The following PRDM11 variants were observed in gnomAD, a reference collection of about 807,000 sequenced individuals.
PRDM11 encodes the protein PR/SET domain 11.
Under a neutral mutation model 97.8 loss-of-function variants are expected in PRDM11, and 20 were observed. That is an observed-to-expected ratio of 0.20 (90% confidence interval 0.14 to 0.30). The LOEUF is 0.30. Among genes scored for constraint, PRDM11 ranks in the 10% least tolerant of loss-of-function variants. The probability of loss-of-function intolerance (pLI) is 1.00; values close to 1 mark genes in which losing one functional copy is unlikely to be tolerated. For synonymous variants in PRDM11, 599 were observed against 637.7 expected (o/e 0.94, Z 0.91); for missense variants, 1,139 against 1,555.2 (o/e 0.73, Z 4.50).
At chr11:45,168,588 A>G (rs1852126353) in intron 1 of PRDM11, among the ~76,000 whole-genome samples, 1 of 152,116 alleles carries the variant, frequency 6.6e-6, no homozygotes, top group African/African-American at 2.4e-5. Flanking sequence ...GGGTCAGGGC[A>G]TCTCTGGGCA....
At chr11:45,181,661 C>T (rs11038341) in intron 1 of PRDM11, 100 bp from the exon 2 acceptor site, 195,710 of 927,054 alleles carry the variant, frequency 0.21, 23,318 homozygotes, top group Non-Finnish European at 0.24. Flanking sequence ...GGAGGGTAAC[C>T]AGACTCCGCG....
chr11:45,108,745 A>G (rs1257406049), intron 1 of PRDM11, among the ~76,000 whole-genome samples: 2 of 152,132 alleles, frequency 1.3e-5, no homozygotes, highest in Non-Finnish European at 2.9e-5. Flanking sequence ...GCCTGTAGCT[A>G]TGTGGGGACC....
chr11:45,219,672 G>A lies in PRDM11; in HGVS notation c.657G>A (p.Glu219=), dbSNP rs1451974356. The change falls in exon 6 of 8, where the codon GAG becomes GAA. Residue 219 remains glutamate, a synonymous_variant. Transcript: ENST00000683152. This position sits in a 1 kb window ranked among gnomAD's most constrained non-coding sequence, Gnocchi z 4.2. ...CGTGCAGGGACATCCGGCCTGGGGA[G>A]TGGCTGCGGGTCTGGTACAGCGAGG... is the stretch of plus-strand genomic sequence containing the variant. ...FRACRDIRPG[E]WLRVWYSEDY... is the part of the protein sequence containing the mutation. 1.2e-6 allele frequency: 2 copies of A among 1,614,152 alleles called. No homozygotes were observed. The highest frequency in any genetic ancestry group is 1.7e-6 in the Non-Finnish European group (2 of 1,180,028).
At chr11:45,173,412 A>G (rs1039660326) in intron 1 of PRDM11, among the ~76,000 whole-genome samples, 12 of 152,092 alleles carry the variant, frequency 7.9e-5, no homozygotes, top group Admixed American at 5.2e-4. Flanking sequence ...ACCTGAGGTC[A>G]GGAGTTCAAG....
intron 1 of PRDM11, among the ~76,000 whole-genome samples, chr11:45,167,313 CACAT>C (rs1042166822): frequency 1.3e-5 from 2 of 152,184 alleles, no homozygotes; most frequent in African/African-American, 4.8e-5. Flanking sequence ...CATAAACACA[CACAT>C]ACACACTATC....
chr11:45,127,220 T>C (rs1852594674), intron 1 of PRDM11, among the ~76,000 whole-genome samples: 2 of 152,354 alleles, frequency 1.3e-5, no homozygotes, highest in South Asian at 2.1e-4. Flanking sequence ...GCATTGGTTA[T>C]TCTAGTTATA....
At position 45,131,405 on chromosome 11, in the gene PRDM11, C is replaced by T. The variant is rs551600855; in HGVS notation, c.96+35504C>T. On this transcript the variant is annotated intron_variant, in intron 1 of 6. Coordinates refer to the PRDM11 transcript ENST00000530656. ...TCAATGCAAAGTTAAAAATAGAATGCTAACAAGGAAAGCTGGTAACAATGG... is the reference window on the plus strand; with the variant it reads ...TCAATGCAAAGTTAAAAATAGAATGTTAACAAGGAAAGCTGGTAACAATGG... Among the ~76,000 whole-genome samples, 45 of 152,256 alleles carry T rather than the reference C, an allele frequency of 3.0e-4. 2 individuals carry two copies. In the South Asian group the frequency reaches 8.9e-3, roughly 30 times the overall value.
intron 4 of PRDM11, among the ~76,000 whole-genome samples, chr11:45,188,175 A>G (rs1313133475): frequency 6.6e-6 from 1 of 152,192 alleles, no homozygotes; most frequent in Non-Finnish European, 1.5e-5. Context: ...GGTGGTGGTC[A>G]TGACAAGCAT....
At chr11:45,181,922 G>A in intron 2 of PRDM11, 37 bp downstream of exon 2, 1 of 1,573,720 alleles carries the variant, frequency 6.4e-7, no homozygotes, top group Non-Finnish European at 8.7e-7. Flanking sequence ...AGGGAGAAGT[G>A]GGAGTGGGAG....
At chr11:45,198,196 TC>T (rs1164476761) in intron 4 of PRDM11, among the ~76,000 whole-genome samples, 1 of 152,220 alleles carries the variant, frequency 6.6e-6, no homozygotes, top group Middle Eastern at 3.2e-3. Flanking sequence ...ATGCCCCCTT[TC>T]CCAGACACCA....
chr11:45,215,478 G>A (rs1017907984), intron 5 of PRDM11, among the ~76,000 whole-genome samples: 2 of 152,210 alleles, frequency 1.3e-5, no homozygotes, highest in Non-Finnish European at 2.9e-5. Context: ...TCTCTCCCAA[G>A]GTCAATGTAT....
chr11:45,143,275 G>T (rs1483415094), upstream of PRDM11, among the ~76,000 whole-genome samples: 1 of 152,186 alleles, frequency 6.6e-6, no homozygotes, highest in Non-Finnish European at 1.5e-5. Context: ...CTAGGATCCA[G>T]GGGGCATTTA....
chr11:45,210,111 G>C (rs569222848), intron 5 of PRDM11, among the ~76,000 whole-genome samples: 1 of 152,270 alleles, frequency 6.6e-6, no homozygotes, highest in East Asian at 1.9e-4. Flanking sequence ...GGCCCGGGCC[G>C]GGCCATGGAA....
chr11:45,215,002 G>C (rs1372487772), intron 5 of PRDM11, among the ~76,000 whole-genome samples: 2 of 152,204 alleles, frequency 1.3e-5, no homozygotes, highest in Non-Finnish European at 2.9e-5. Context: ...CAAAAGTGAG[G>C]TGTTGCTAAG....
intron 5 of PRDM11, among the ~76,000 whole-genome samples, chr11:45,211,851 A>G (rs565409212): frequency 6.6e-6 from 1 of 152,206 alleles, no homozygotes; most frequent in East Asian, 1.9e-4. Context: ...GAACTTCCTC[A>G]TGTAACCAAA....
rs1852117686 is a variant in PRDM11 at position 45,168,313 on chromosome 11, G to GACC, written c.-6-13446_-6-13445insCAC. Among the ~76,000 whole-genome samples, 3 of 152,206 alleles carry GACC rather than the reference G, an allele frequency of 2.0e-5. 1 individual carries two copies. In the South Asian group the frequency reaches 6.2e-4, roughly 32 times the overall value. Reference sequence around the variant, plus strand: ...CTTCTCCTCTGGGTCCTGTGGTCCAGACAGGGGTCCCCTTTCCTTGTAACC... The same window carrying GACC: ...CTTCTCCTCTGGGTCCTGTGGTCCAGACCACAGGGGTCCCCTTTCCTTGTAACC... On this transcript the variant is annotated intron_variant, in intron 1 of 7. Transcript: ENST00000683152.
At chr11:45,173,622 CAAAA>C (rs1163035481) in intron 1 of PRDM11, among the ~76,000 whole-genome samples, 3 of 68,370 alleles carry the variant, frequency 4.4e-5, no homozygotes, top group Non-Finnish European at 6.5e-5. Context: ...AACACCGCGT[CAAAA>C]AAAAAAAAAA....
chr11:45,145,767 T>C (rs75042941), upstream of PRDM11, among the ~76,000 whole-genome samples: 3,391 of 152,272 alleles, frequency 0.022, 128 homozygotes, highest in African/African-American at 0.077. Flanking sequence ...CAGTGTCCCT[T>C]GCCCTCCTCC....
chr11:45,180,396 C>G lies in PRDM11; in HGVS notation c.-6-1365C>G, dbSNP rs1436703770. On this transcript the variant is annotated intron_variant, in intron 1 of 7. Coordinates refer to ENST00000683152, the MANE Select transcript of PRDM11 (RefSeq NM_001384648.1). The stretch of plus-strand genomic sequence containing the variant: ...TGTCGTCGCCGCCACACCAAGGCAG[C>G]TCGGAGGCTGGGGACACCCGCCCGG... 2.0e-5 allele frequency among the ~76,000 whole-genome samples: 3 copies of G among 152,118 alleles called. No homozygotes were observed. The East Asian group carries it at 5.8e-4, about 29-fold the overall frequency.
Sources: allele counts gnomAD v4.1 joint callset (sites outside exome capture counted in the v4.1 genomes callset), GRCh38; gene constraint gnomAD v4.1.1; non-coding constraint Gnocchi (gnomAD v3.1); transcripts MANE v1.5; gene names NCBI Gene and HGNC (gene_info 2026-07-23, HGNC 2026-07-21).